Variants in LRRC47 observed in about 807,000 individuals in gnomAD.
LRRC47 encodes leucine rich repeat containing 47.
A neutral mutation model predicts 40.9 loss-of-function variants in LRRC47; 31 were observed. The observed-to-expected ratio is 0.76, with a 90% CI of 0.57 to 1.02. LRRC47 has a LOEUF of 1.02. Among genes scored for constraint, LRRC47 ranks in the 50% least tolerant of loss-of-function variants. The pLI is 0.00. For synonymous variants in LRRC47, 427 were observed against 371.9 expected (o/e 1.15, Z -1.70); for missense variants, 726 against 796.1 (o/e 0.91, Z 1.06).
At chr1:3,781,932 G>A (rs1347284743) in intron 5 of LRRC47, among the ~76,000 whole-genome samples, 2 of 152,178 alleles carry the variant, frequency 1.3e-5, no homozygotes, top group African/African-American at 4.8e-5. Flanking sequence ...AGTGAGCTAT[G>A]ATCTTGCCAC....
At chr1:3,792,221 G>A (rs960753015) in intron 1 of LRRC47, among the ~76,000 whole-genome samples, 1 of 152,206 alleles carries the variant, frequency 6.6e-6, no homozygotes, top group East Asian at 1.9e-4. Flanking sequence ...TACCCAAAAG[G>A]ACATCTGAGT....
At chr1:3,786,508 AT>A (rs1643574883) in intron 2 of LRRC47, among the ~76,000 whole-genome samples, 1 of 152,014 alleles carries the variant, frequency 6.6e-6, no homozygotes, top group Non-Finnish European at 1.5e-5. Context: ...AAAAAAAAAA[AT>A]CAGGATAAAC....
At chr1:3,789,995 G>T (rs72846586) in intron 1 of LRRC47, among the ~76,000 whole-genome samples, 1 of 152,168 alleles carries the variant, frequency 6.6e-6, no homozygotes, top group South Asian at 2.1e-4. Context: ...AGTTACACAG[G>T]GGGTGGCTAG....
intron 1 of LRRC47, among the ~76,000 whole-genome samples, chr1:3,794,589 C>T (rs1643656697): frequency 6.6e-6 from 1 of 151,994 alleles, no homozygotes; most frequent in East Asian, 2.0e-4. Context: ...ATCTGCCCGC[C>T]TCAGCTTCCC....
At position 3,781,162 on chromosome 1, in the gene LRRC47, C is replaced by A. The variant is rs138006106; in HGVS notation, c.1678G>T (p.Gly560Trp). The A allele has an allele frequency of 6.2e-7, 1 of 1,614,156 alleles. No individual in the cohort carries two copies. Among genetic ancestry groups the A allele is most frequent in the Non-Finnish European group, 8.5e-7 (1 of 1,180,036 alleles). Residue 560 changes from glycine to tryptophan, a missense_variant, in exon 7 of 7, where the codon GGG becomes TGG. Coordinates refer to ENST00000378251, the MANE Select transcript of LRRC47 (RefSeq NM_020710.3). Reference protein sequence around the residue: ...VEQVRVVDLEGSLKVVYPSKA... With the variant: ...VEQVRVVDLEWSLKVVYPSKA... ...GACGGGTACACCACCTTCAGGCTCCCTTCCAGATCCACCACCCGGACCTGC... is the reference window on the plus strand; with the variant it reads ...GACGGGTACACCACCTTCAGGCTCCATTCCAGATCCACCACCCGGACCTGC...
intron 1 of LRRC47, among the ~76,000 whole-genome samples, chr1:3,791,629 T>C (rs1643627626): frequency 6.6e-6 from 1 of 152,140 alleles, no homozygotes; most frequent in South Asian, 2.1e-4. Flanking sequence ...GCTAATTTTG[T>C]ATTTTTAGTA....
intron 1 of LRRC47, among the ~76,000 whole-genome samples, chr1:3,791,841 C>A (rs990601962): frequency 6.6e-6 from 1 of 152,174 alleles, no homozygotes; most frequent in African/African-American, 2.4e-5. Flanking sequence ...GCAGCCTCAA[C>A]CTCCCAGGTT....
At chr1:3,786,071 T>G (rs371981257) in intron 2 of LRRC47, among the ~76,000 whole-genome samples, 1 of 152,002 alleles carries the variant, frequency 6.6e-6, no homozygotes, top group East Asian at 2.0e-4. Flanking sequence ...GGTTTCGTCA[T>G]GTTGTCCAGG....
intron 1 of LRRC47, 45 bp downstream of exon 1, chr1:3,795,817 T>C (rs951142232): frequency 2.0e-6 from 3 of 1,497,186 alleles, no homozygotes; most frequent in Non-Finnish European, 2.7e-6. Context: ...TCTCCAGGGC[T>C]ACTCCAAGGC....
At position 3,778,591 on chromosome 1, in the gene LRRC47, G is replaced by C. The variant is rs71634369; in HGVS notation, c.*2497C>G. 16,878 of 153,782 alleles carry C rather than the reference G, an allele frequency of 0.11. 1,059 individuals carry two copies. Among genetic ancestry groups the C allele is most frequent in the African/African-American group, 0.14 (5,912 of 41,556 alleles). 9.5% of individuals were successfully genotyped at this position (153,782 alleles called of 1,614,324 possible). A position where few individuals can be genotyped will look rare whatever the true frequency, so the allele number is the denominator to read the frequency against. On this transcript the variant is annotated 3_prime_UTR_variant, in exon 7 of 7. Transcript: ENST00000378251. The stretch of plus-strand genomic sequence containing the variant: ...GGAGCTGTTTTTATTAGTGAGTCGG[G>C]GGGTGGGGTGGGGTGAAGAAAACAT...
chr1:3,789,321 G>A (rs1445483349), intron 1 of LRRC47, among the ~76,000 whole-genome samples: 5 of 152,294 alleles, frequency 3.3e-5, no homozygotes, highest in Admixed American at 1.3e-4. Context: ...CGGGGGCACA[G>A]GCATCTGAGG....
At chr1:3,788,073 G>A (rs1643594233) in intron 1 of LRRC47, among the ~76,000 whole-genome samples, 2 of 152,270 alleles carry the variant, frequency 1.3e-5, no homozygotes, top group Admixed American at 6.5e-5. Flanking sequence ...GGGGTACAGT[G>A]GCACCTGATG....
In LRRC47 at chr1:3,796,073, T is replaced by C; in HGVS notation, c.404A>G (p.Asn135Ser). The change falls in exon 1 of 7, where the codon AAC becomes AGC. Residue 135 changes from asparagine to serine, a missense_variant. By Grantham distance (46) the Asn-to-Ser change is conservative. Transcript: ENST00000378251. Reference protein sequence around the residue: ...PPGLPQLQSLNLSGNRLRELP... With the variant: ...PPGLPQLQSLSLSGNRLRELP... ...CTCGCGCAGCCGGTTGCCGCTGAGG[T>C]TGAGGCTCTGCAGCTGCGGAAGGCC... is the stretch of plus-strand genomic sequence containing the variant. 1 of 1,525,900 alleles carries C rather than the reference T, an allele frequency of 6.6e-7. No homozygotes were observed. Among genetic ancestry groups the C allele is most frequent in the Non-Finnish European group, 8.8e-7 (1 of 1,141,070 alleles). The allele number at this position is 1,525,900 out of a possible 1,614,324, so 94.5% of individuals were successfully genotyped here.
chr1:3,794,703 G>A (rs570766911), intron 1 of LRRC47, among the ~76,000 whole-genome samples: 6 of 151,786 alleles, frequency 4.0e-5, no homozygotes, highest in Non-Finnish European at 8.8e-5. Context: ...ATGTCTTGAG[G>A]AATTGCTACA....
rs1260993190 is a variant in LRRC47, at chr1:3,784,061, C to T, written c.1245G>A (p.Gln415=). ...KEAKAKELVR[Q]LQLEAEEQRK... is the part of the protein sequence containing the mutation. ...TCTGCTCCTCGGCCTCCAGCTGCAGCTGCCGCACCAGCTCCTTGGCCTTGG... is the reference window on the plus strand; with the variant it reads ...TCTGCTCCTCGGCCTCCAGCTGCAGTTGCCGCACCAGCTCCTTGGCCTTGG... The change falls in exon 4 of 7, where the codon CAG becomes CAA. Residue 415 remains glutamine (Q), a synonymous_variant. Coordinates refer to ENST00000378251, the MANE Select transcript of LRRC47 (RefSeq NM_020710.3). The T allele has an allele frequency of 6.2e-7, 1 of 1,613,296 alleles. No homozygotes were observed. The highest frequency in any genetic ancestry group is 1.7e-5 in the Admixed American group (1 of 59,998).
chr1:3,792,922 C>T (rs1643641010), intron 1 of LRRC47, among the ~76,000 whole-genome samples: 1 of 152,262 alleles, frequency 6.6e-6, no homozygotes, highest in South Asian at 2.1e-4. Context: ...GGGAGTAGAC[C>T]ATGCTGTATC....
At chr1:3,791,328 G>C (rs1417171532) in intron 1 of LRRC47, among the ~76,000 whole-genome samples, 2 of 152,206 alleles carry the variant, frequency 1.3e-5, no homozygotes, top group Admixed American at 1.3e-4. Context: ...TTCCCTCTTC[G>C]TGTACTGCGT....
In LRRC47 at chr1:3,796,103, G is replaced by C; in HGVS notation, c.374C>G (p.Pro125Arg). Residue 125 changes from proline (P) to arginine (R), a missense_variant, in exon 1 of 7, where the codon CCG (proline) becomes CGG (arginine). Physicochemically the swap from Pro to Arg is moderately radical, Grantham distance 103. Coordinates refer to ENST00000378251, the MANE Select transcript of LRRC47 (RefSeq NM_020710.3). ...GCTCTGCAGCTGCGGAAGGCCCGGC[G>C]GCTCGGCGGGGCCCAGGCCTTGGCC... is the stretch of plus-strand genomic sequence containing the variant. Reference protein sequence around the residue: ...PPGQGLGPAEPPGLPQLQSLN... With the variant: ...PPGQGLGPAERPGLPQLQSLN... The C allele has an allele frequency of 6.8e-7, 1 of 1,464,740 alleles. No individual in the cohort carries two copies. The highest frequency in any genetic ancestry group is 9.0e-7 in the Non-Finnish European group (1 of 1,117,028). 90.7% of individuals were successfully genotyped at this position (1,464,740 alleles called of 1,614,324 possible). A position where few individuals can be genotyped will look rare whatever the true frequency, so the allele number is the denominator to read the frequency against.
At chr1:3,782,555 A>G in intron 5 of LRRC47, 106 bp downstream of exon 5, 4 of 736,806 alleles carry the variant, frequency 5.4e-6, no homozygotes, top group Non-Finnish European at 9.9e-6. Context: ...CGGTCTCCCA[A>G]AATGCTGGGA....
Sources: gnomAD v4.1 joint callset for allele counts (sites outside exome capture counted in the v4.1 genomes callset) on GRCh38, gnomAD v4.1.1 for gene constraint, MANE v1.5 for transcripts, NCBI Gene and HGNC (gene_info 2026-07-23, HGNC 2026-07-21) for gene names.